RABGAP1: variants seen among roughly 807,000 people sequenced by gnomAD.
RABGAP1 encodes the protein rab GTPase-activating protein 1.
A neutral mutation model predicts 137.6 loss-of-function variants in RABGAP1; 23 were observed. The ratio of observed to expected loss-of-function variants is 0.17; its 90% confidence interval spans 0.12 to 0.24. The LOEUF (loss-of-function observed/expected upper bound fraction) is 0.24, where lower values mean the gene tolerates loss of function less well. RABGAP1 is among the 10% of genes least tolerant of loss of function. RABGAP1 has a pLI of 1.00. For missense variants in RABGAP1, 906 were observed against 1,275.8 expected (o/e 0.71, Z 4.42); for synonymous variants, 451 against 450.7 (o/e 1.00, Z -0.01).
At chr9:122,998,861 T>G in intron 10 of RABGAP1, 95 bp downstream of exon 10, 2 of 726,758 alleles carry the variant, frequency 2.8e-6, no homozygotes, top group Non-Finnish European at 4.1e-6. Context: ...TAAACAGTCA[T>G]GTGTATTTTA....
chr9:123,049,270 G>T (rs768225006), intron 13 of RABGAP1, among the ~76,000 whole-genome samples: 3 of 152,234 alleles, frequency 2.0e-5, no homozygotes, highest in Non-Finnish European at 4.4e-5. Context: ...ACAGTTCAAT[G>T]ATTACAGCAT....
At chr9:123,086,830 C>T (rs756937644) in intron 19 of RABGAP1, among the ~76,000 whole-genome samples, 1 of 152,000 alleles carries the variant, frequency 6.6e-6, no homozygotes, top group Non-Finnish European at 1.5e-5. Context: ...TTGTGTACAC[C>T]CGTTCCTGAG....
intron 13 of RABGAP1, among the ~76,000 whole-genome samples, chr9:123,042,416 T>TCAGAAGAAA (rs2032995623): frequency 6.6e-6 from 1 of 151,714 alleles, no homozygotes; most frequent in Non-Finnish European, 1.5e-5. Flanking sequence ...ATGACAGAAA[T>TCAGAAGAAA]CAGAAGAAAC....
At chr9:122,982,891 A>G (rs897470139) in intron 2 of RABGAP1, among the ~76,000 whole-genome samples, 1 of 152,046 alleles carries the variant, frequency 6.6e-6, no homozygotes, top group African/African-American at 2.4e-5. Flanking sequence ...AGTTTTTGAG[A>G]CAGGGTTTTG....
intron 2 of RABGAP1, among the ~76,000 whole-genome samples, chr9:122,977,149 C>T (rs1835803366): frequency 6.6e-6 from 1 of 152,080 alleles, no homozygotes; most frequent in South Asian, 2.1e-4. Context: ...ACAACTAAGA[C>T]TGGCAATTAT....
chr9:123,033,733 A>G (rs1408755780), intron 13 of RABGAP1: 1 of 152,262 alleles, frequency 6.6e-6, no homozygotes, highest in East Asian at 1.9e-4. Context: ...TGCAGCATGC[A>G]GAATTACAGG....
At chr9:123,082,706 G>T (rs142210866) in intron 19 of RABGAP1, among the ~76,000 whole-genome samples, 247 of 95,028 alleles carry the variant, frequency 2.6e-3, no homozygotes, top group African/African-American at 8.5e-3. Context: ...TCATTAGAAC[G>T]TGTCATTTTA....
chr9:123,085,978 T>C (rs547821632), intron 19 of RABGAP1, among the ~76,000 whole-genome samples: 1 of 152,320 alleles, frequency 6.6e-6, no homozygotes, highest in South Asian at 2.1e-4. Flanking sequence ...TTTCCAAGCA[T>C]TGAGCACTGG....
chr9:123,073,811 C>G, intron 16 of RABGAP1, 134 bp downstream of exon 16: 1 of 1,201,590 alleles, frequency 8.3e-7, no homozygotes, highest in Non-Finnish European at 1.2e-6. Context: ...CATTTTTATC[C>G]TTTATCACTA....
chr9:123,050,477 C>A (rs1010919465), intron 13 of RABGAP1, among the ~76,000 whole-genome samples: 4 of 152,218 alleles, frequency 2.6e-5, no homozygotes, highest in Admixed American at 1.3e-4. Context: ...AGAGAGGTCC[C>A]ATGGTTCCTA....
At chr9:122,961,154 A>C (rs988244761) in intron 2 of RABGAP1, among the ~76,000 whole-genome samples, 3 of 152,192 alleles carry the variant, frequency 2.0e-5, no homozygotes, top group Non-Finnish European at 4.4e-5. Context: ...AAAAACAATA[A>C]TTTATATATC....
At chr9:123,025,983 T>C (rs1476552594) in intron 13 of RABGAP1, among the ~76,000 whole-genome samples, 1 of 151,488 alleles carries the variant, frequency 6.6e-6, no homozygotes, top group African/African-American at 2.4e-5. Context: ...TTTTAGTTTT[T>C]CAATCTTTTG....
chr9:123,003,018 G>A (rs759018093), intron 10 of RABGAP1, among the ~76,000 whole-genome samples: 4 of 152,162 alleles, frequency 2.6e-5, no homozygotes, highest in Non-Finnish European at 5.9e-5. Context: ...GATTTAGGGG[G>A]AGTGCTAGGG....
intron 13 of RABGAP1, among the ~76,000 whole-genome samples, chr9:123,055,833 G>A (rs930518092): frequency 2.6e-5 from 4 of 152,168 alleles, no homozygotes; most frequent in African/African-American, 9.6e-5. Context: ...GTACAGGCGT[G>A]AGCCACCGTG....
intron 6 of RABGAP1, among the ~76,000 whole-genome samples, chr9:122,994,829 A>G (rs1836933310): frequency 6.6e-6 from 1 of 152,182 alleles, no homozygotes; most frequent in African/African-American, 2.4e-5. Flanking sequence ...TTAAACTGTC[A>G]TTTTAAGAAC....
intron 10 of RABGAP1, among the ~76,000 whole-genome samples, chr9:123,001,883 A>G (rs772591573): frequency 1.4e-4 from 22 of 152,356 alleles, no homozygotes; most frequent in Middle Eastern, 3.4e-3. Context: ...ACACCAAATT[A>G]ATAAAAAAGC....
intron 21 of RABGAP1, among the ~76,000 whole-genome samples, chr9:123,093,707 C>T (rs2035099030): frequency 6.6e-6 from 1 of 152,230 alleles, no homozygotes; most frequent in Non-Finnish European, 1.5e-5. Flanking sequence ...GTCTTGCTTA[C>T]TGTAGCTTTA....
chr9:122,960,625 C>G (rs1413576521), intron 2 of RABGAP1, among the ~76,000 whole-genome samples: 1 of 152,098 alleles, frequency 6.6e-6, no homozygotes, highest in African/African-American at 2.4e-5. Context: ...ATAAGACATT[C>G]AGAGAAACAA....
intron 14 of RABGAP1, among the ~76,000 whole-genome samples, chr9:123,068,502 C>G (rs1444006415): frequency 1.3e-5 from 2 of 152,136 alleles, no homozygotes; most frequent in African/African-American, 2.4e-5. Context: ...TTCCAGAGAG[C>G]TGTGTTAGCA....
Sources: gnomAD v4.1 joint callset for allele counts (sites outside exome capture counted in the v4.1 genomes callset) on GRCh38, gnomAD v4.1.1 for gene constraint, MANE v1.5 for transcripts, NCBI Gene and HGNC (gene_info 2026-07-23, HGNC 2026-07-21) for gene names.